The following RBMS2 variants were observed in gnomAD, a reference collection of about 807,000 sequenced individuals.
The protein encoded by RBMS2 is RNA-binding motif, single-stranded-interacting protein 2.
In RBMS2, 38 loss-of-function variants were observed where a neutral mutation model predicts 58.4. That is an observed-to-expected ratio of 0.65 (90% CI 0.50 to 0.85). The LOEUF (loss-of-function observed/expected upper bound fraction) is 0.85. Ranked by LOEUF, RBMS2 falls within the 40% of genes least tolerant of loss-of-function variation. The pLI is 0.00. For missense variants in RBMS2, 367 were observed against 503.7 expected (o/e 0.73, Z 2.60); for synonymous variants, 151 against 180.7 (o/e 0.84, Z 1.32).
chr12:56,588,496 A>G, intron 12 of RBMS2, 122 bp downstream of exon 12: 1 of 933,294 alleles, frequency 1.1e-6, no homozygotes, highest in Non-Finnish European at 1.7e-6. Context: ...GCTGGTAGGT[A>G]TACGAAGAAC....
At chr12:56,532,050 C>G (rs1873843887) in intron 1 of RBMS2, among the ~76,000 whole-genome samples, 1 of 149,972 alleles carries the variant, frequency 6.7e-6, no homozygotes, top group African/African-American at 2.5e-5. Flanking sequence ...GTAACCCTGT[C>G]TCTATTAAAA....
rs7314487 is a variant in RBMS2, at chr12:56,593,286, G to C, written c.*4153G>C. The C allele has an allele frequency of 0.38, 57,706 of 152,120 alleles. 13,386 individuals are homozygous for C. The highest frequency in any genetic ancestry group is 0.56 in the South Asian group (2,684 of 4,826). 9.4% of individuals were successfully genotyped at this position (152,120 alleles called of 1,614,324 possible). A position where few individuals can be genotyped will look rare whatever the true frequency, so the allele number is the denominator to read the frequency against. ...CCACCCCTTCCCCGGCCACCAAGTA[G>C]CTGGGACTATGGGCTTGTGCCACCA... On this transcript the variant is annotated 3_prime_UTR_variant, in exon 14 of 14. Transcript: ENST00000262031.
intron 10 of RBMS2, among the ~76,000 whole-genome samples, 184 bp from the exon 11 acceptor site, chr12:56,587,370 C>T (rs926636755): frequency 3.3e-5 from 5 of 152,020 alleles, no homozygotes; most frequent in South Asian, 2.1e-4. Flanking sequence ...TATTCTTAGA[C>T]GAGGGTCCTT....
chr12:56,528,511 A>G (rs1873101928), intron 1 of RBMS2, among the ~76,000 whole-genome samples: 1 of 152,138 alleles, frequency 6.6e-6, no homozygotes, highest in Non-Finnish European at 1.5e-5. Context: ...AGTAGGCAAA[A>G]CATCTGAATC....
intron 5 of RBMS2, chr12:56,572,737 T>G: frequency 1.0e-6 from 1 of 975,062 alleles, no homozygotes; most frequent in Non-Finnish European, 1.2e-6. Context: ...GCCCTGATCC[T>G]TCTGGCTTTG....
chr12:56,565,438 C>T (rs1206441073), intron 2 of RBMS2, among the ~76,000 whole-genome samples: 1 of 151,370 alleles, frequency 6.6e-6, no homozygotes, highest in Non-Finnish European at 1.5e-5. Flanking sequence ...CAATCCATGG[C>T]TGGTTCAATC....
At chr12:56,569,698 C>T (rs1052305455) in intron 3 of RBMS2, among the ~76,000 whole-genome samples, 2 of 152,138 alleles carry the variant, frequency 1.3e-5, no homozygotes, top group African/African-American at 4.8e-5. Flanking sequence ...AGCTCATTGC[C>T]TTGGCATTCT....
rs1883127570 is a variant in RBMS2 at position 56,576,353 on chromosome 12, A to C, written c.542+4498A>C. Among the ~76,000 whole-genome samples, 4 of 152,134 alleles carry C rather than the reference A, an allele frequency of 2.6e-5. No individual in the cohort carries two copies. The South Asian group carries it at 6.2e-4, about 24-fold the overall frequency. ...TTCTGTCTCAAAAACATAAATAAAT[A>C]AAAAATTTCATGTTGTCCGCTCCAT... On this transcript the variant is annotated intron_variant, in intron 5 of 13. Coordinates refer to ENST00000262031, the MANE Select transcript of RBMS2 (RefSeq NM_002898.4).
chr12:56,528,935 A>G lies in RBMS2; in HGVS notation c.66+6846A>G, dbSNP rs1016741824. ...AGCAAGACTCTGTATCAAAAAAGAA[A>G]GAAAGAAAGAGAGACATAATATATG... On this transcript the variant is annotated intron_variant, in intron 1 of 13. Coordinates refer to ENST00000262031, the MANE Select transcript of RBMS2 (RefSeq NM_002898.4). Among the ~76,000 whole-genome samples, 16 of 152,232 alleles carry G rather than the reference A, an allele frequency of 1.1e-4. 1 individual carries two copies. Among genetic ancestry groups the G allele is most frequent in the Middle Eastern group, 3.4e-3 (1 of 294 alleles).
At chr12:56,546,862 C>T (rs1437473304) in intron 1 of RBMS2, among the ~76,000 whole-genome samples, 2 of 152,166 alleles carry the variant, frequency 1.3e-5, no homozygotes, top group African/African-American at 4.8e-5. Context: ...ATTTGAGGAA[C>T]TGCCCAACTA....
intron 2 of RBMS2, among the ~76,000 whole-genome samples, chr12:56,566,426 C>T (rs1049854791): frequency 6.6e-6 from 1 of 152,164 alleles, no homozygotes; most frequent in African/African-American, 2.4e-5. Context: ...TAGTGGAACG[C>T]TTCTAATATA....
Position 56,566,547 on chromosome 12 carries a change from G to A in RBMS2, c.234-2428G>A, listed in dbSNP as rs139356649. Among the ~76,000 whole-genome samples the A allele has an allele frequency of 2.3e-3, 352 of 152,338 alleles. 3 individuals are homozygous for A. The highest frequency in any genetic ancestry group is 8.1e-3 in the African/African-American group (335 of 41,578). On this transcript the variant is annotated intron_variant, in intron 2 of 13. Coordinates refer to ENST00000262031, the MANE Select transcript of RBMS2 (RefSeq NM_002898.4). ...AAACACAACTGTTAGGCTGGGCACA[G>A]TGCCTCACACCTGTAATCACAGCAC...
Position 56,587,625 on chromosome 12 carries a change from C to G in RBMS2, c.1023C>G (p.Thr341=). ...LQPASMMGPL[T]QQLGHLSLSS... ...CTGCCTCCATGATGGGACCCCTTAC[C>G]CAGCAACTGGGCCATCTCTCCCTCA... Residue 341 remains threonine, a synonymous_variant, in exon 11 of 14, where the codon ACC becomes ACG. Coordinates refer to ENST00000262031, the MANE Select transcript of RBMS2 (RefSeq NM_002898.4). The G allele has an allele frequency of 1.2e-6, 2 of 1,613,932 alleles. No individual in the cohort carries two copies. Among genetic ancestry groups the G allele is most frequent in the Non-Finnish European group, 1.7e-6 (2 of 1,179,846 alleles).
chr12:56,536,466 T>C (rs2136279072), intron 1 of RBMS2, among the ~76,000 whole-genome samples: 1 of 151,882 alleles, frequency 6.6e-6, no homozygotes, highest in African/African-American at 2.4e-5. Flanking sequence ...CTCTGTTTCC[T>C]TACCTCCTAC....
chr12:56,567,025 A>G (rs1881456969), intron 2 of RBMS2, among the ~76,000 whole-genome samples: 1 of 152,172 alleles, frequency 6.6e-6, no homozygotes, highest in Non-Finnish European at 1.5e-5. Flanking sequence ...TAGGATAGTA[A>G]AGCCACTAAC....
intron 4 of RBMS2, among the ~76,000 whole-genome samples, chr12:56,570,626 G>A (rs1882130591): frequency 6.6e-6 from 1 of 152,130 alleles, no homozygotes; most frequent in Admixed American, 6.6e-5. Flanking sequence ...CGCCCCGGCT[G>A]GAGTGCAGTG....
At chr12:56,525,819 G>A (rs1181235716) in intron 1 of RBMS2, among the ~76,000 whole-genome samples, 3 of 151,570 alleles carry the variant, frequency 2.0e-5, no homozygotes, top group African/African-American at 2.4e-5. Context: ...CCACCACCAC[G>A]CCTGGCTAAT....
intron 1 of RBMS2, among the ~76,000 whole-genome samples, chr12:56,522,912 G>A (rs1231449525): frequency 6.6e-6 from 1 of 152,188 alleles, no homozygotes; most frequent in East Asian, 1.9e-4. Flanking sequence ...GCTGTAGCAG[G>A]AAGAAGACTC....
At chr12:56,554,570 A>C (rs1303083913) in intron 1 of RBMS2, among the ~76,000 whole-genome samples, 1 of 152,118 alleles carries the variant, frequency 6.6e-6, no homozygotes, top group African/African-American at 2.4e-5. Context: ...GGAACAACAC[A>C]CACTGGGGCC....
Sources: gnomAD v4.1 joint callset for allele counts (sites outside exome capture counted in the v4.1 genomes callset) on GRCh38, gnomAD v4.1.1 for gene constraint, MANE v1.5 for transcripts, NCBI Gene and HGNC (gene_info 2026-07-23, HGNC 2026-07-21) for gene names.